Variants in DMD observed in about 807,000 individuals in gnomAD.
The protein encoded by DMD is mutant dystrophin.
Under a neutral mutation model 330.1 loss-of-function variants are expected in DMD, and 63 were observed. That is an observed-to-expected ratio of 0.19 (90% CI 0.16 to 0.24). DMD has a LOEUF of 0.24. Ranked by LOEUF, DMD falls within the 10% of genes least tolerant of loss-of-function variation. The probability of loss-of-function intolerance (pLI) is 1.00; values close to 1 mark genes in which losing one functional copy is unlikely to be tolerated. For synonymous variants in DMD, 1,223 were observed against 959.8 expected (o/e 1.27, Z -5.07); for missense variants, 3,344 against 2,684.1 (o/e 1.25, Z -5.43).
At chrX:32,785,216 C>A (rs939726365) in intron 7 of DMD, among the ~76,000 whole-genome samples, 1 of 104,541 alleles carries the variant, frequency 9.6e-6, no homozygotes, top group East Asian at 2.9e-4. Flanking sequence ...AAAAAAAAAA[C>A]CTTTTAGACT....
At chrX:32,248,555 T>C (rs753464517) in intron 43 of DMD, among the ~76,000 whole-genome samples, 5 of 109,155 alleles carry the variant, frequency 4.6e-5, no homozygotes, top group Non-Finnish European at 9.5e-5. Context: ...AAACCCACTT[T>C]ATATTCTGTT....
rs141292732 is a variant in DMD, at chrX:31,882,041, C to G, written c.6913-6668G>C. On this transcript the variant is annotated intron_variant, in intron 47 of 78. Coordinates refer to ENST00000357033, the MANE Select transcript of DMD (RefSeq NM_004006.3). ...GATATCTGCCCTCTCTTCAAATAAT[C>G]TATAAATTCAATGCAATCTCAATCA... Among the ~76,000 whole-genome samples the G allele has an allele frequency of 1.6e-3, 176 of 112,209 alleles. 1 individual carries two copies. The East Asian group carries it at 0.046, about 29-fold the overall frequency.
intron 44 of DMD, among the ~76,000 whole-genome samples, chrX:32,115,784 C>G (rs1478488822): frequency 9.0e-6 from 1 of 111,660 alleles, no homozygotes; most frequent in Non-Finnish European, 1.9e-5. Context: ...CAAATCCTGT[C>G]AGCTTTGTCT....
intron 44 of DMD, among the ~76,000 whole-genome samples, chrX:31,969,437 T>G (rs894676643): frequency 5.4e-5 from 6 of 111,563 alleles, no homozygotes; most frequent in Non-Finnish European, 1.1e-4. Flanking sequence ...GAACTTGAGG[T>G]ACCTACCGTA....
intron 29 of DMD, 54 bp downstream of exon 29, chrX:32,438,187 C>A: frequency 8.7e-7 from 1 of 1,150,080 alleles, no homozygotes; most frequent in Non-Finnish European, 1.2e-6. Context: ...AGGCCTGTAT[C>A]TGCTATACAT....
At chrX:33,053,688 G>A (rs1259558329) in intron 1 of DMD, among the ~76,000 whole-genome samples, 2 of 111,884 alleles carry the variant, frequency 1.8e-5, no homozygotes, top group African/African-American at 6.5e-5. Flanking sequence ...CTCCTGTAAC[G>A]TCAATTCTAG....
intron 44 of DMD, chrX:32,035,596 A>G (rs758653729): frequency 1.4e-3 from 420 of 297,986 alleles, no homozygotes; most frequent in Non-Finnish European, 2.1e-3. Context: ...AAAAACAGAA[A>G]GAAATACACC....
At chrX:32,644,667 G>C (rs1270205017) in intron 10 of DMD, among the ~76,000 whole-genome samples, 3 of 110,534 alleles carry the variant, frequency 2.7e-5, no homozygotes, top group Non-Finnish European at 5.7e-5. Context: ...CTCCCACTGA[G>C]AGAAGTTAAG....
At chrX:31,328,657 G>A (rs373450868) in intron 61 of DMD, among the ~76,000 whole-genome samples, 1 of 111,444 alleles carries the variant, frequency 9.0e-6, no homozygotes, top group South Asian at 3.8e-4. Context: ...TCTTTTTCCT[G>A]CCTAAGCCTT....
chrX:32,781,824 A>AG (rs2074793216), intron 7 of DMD, among the ~76,000 whole-genome samples: 1 of 111,447 alleles, frequency 9.0e-6, no homozygotes, highest in South Asian at 3.7e-4. Context: ...TGCTCACTAA[A>AG]GATTTTAAGA....
intron 67 of DMD, among the ~76,000 whole-genome samples, chrX:31,185,473 C>T (rs1031260345): frequency 2.7e-5 from 3 of 111,804 alleles, no homozygotes; most frequent in Admixed American, 9.5e-5. Context: ...TTTCTCTTGC[C>T]GGTCTGCTGT....
intron 7 of DMD, among the ~76,000 whole-genome samples, chrX:32,785,125 T>C (rs779490922): frequency 1.8e-5 from 2 of 109,774 alleles, no homozygotes; most frequent in South Asian, 7.8e-4. Context: ...TTATTAATGA[T>C]GTGGTCAAAT....
intron 20 of DMD, among the ~76,000 whole-genome samples, chrX:32,487,378 G>A (rs1294944398): frequency 4.5e-5 from 5 of 111,229 alleles, no homozygotes; most frequent in Admixed American, 3.9e-4. Context: ...TTGAGGGTTA[G>A]TTACTATTTA....
intron 1 of DMD, among the ~76,000 whole-genome samples, chrX:33,032,869 G>A (rs1345560206): frequency 1.8e-5 from 2 of 112,288 alleles, no homozygotes; most frequent in Non-Finnish European, 3.8e-5. Context: ...TTCACTCCCT[G>A]TTCACCAAAT....
rs947770989 is a variant in DMD, at chrX:31,821,698, C to A, written c.7201-1615G>T. ...CAGCAATACCTTACCAGTATAGTAG[C>A]ACTAGTCACAAAAGCTTTACCAGTG... On this transcript the variant is annotated intron_variant, in intron 49 of 78. Coordinates refer to ENST00000357033, the MANE Select transcript of DMD (RefSeq NM_004006.3). Among the ~76,000 whole-genome samples the A allele has an allele frequency of 1.1e-4, 12 of 112,318 alleles. 1 individual carries two copies. Among genetic ancestry groups the A allele is most frequent in the African/African-American group, 3.9e-4 (12 of 30,906 alleles).
At chrX:33,249,935 T>C (rs749978168) in intron 1 of DMD, among the ~76,000 whole-genome samples, 4 of 109,580 alleles carry the variant, frequency 3.7e-5, no homozygotes, top group Non-Finnish European at 7.6e-5. Flanking sequence ...ATTAAATTTA[T>C]TGGATTTAAT....
At chrX:31,809,608 T>C (rs1264475037) in intron 50 of DMD, among the ~76,000 whole-genome samples, 2 of 111,071 alleles carry the variant, frequency 1.8e-5, no homozygotes, top group East Asian at 5.6e-4. Context: ...CATATTTTCA[T>C]AAAAATACTG....
chrX:32,674,632 G>C (rs949506517), intron 9 of DMD, among the ~76,000 whole-genome samples: 7 of 111,082 alleles, frequency 6.3e-5, no homozygotes, highest in Non-Finnish European at 1.1e-4. Flanking sequence ...TTCAGGCCAG[G>C]CATATGATCT....
chrX:31,669,569 T>A (rs138796614), intron 53 of DMD, among the ~76,000 whole-genome samples: 112 of 112,056 alleles, frequency 1.0e-3, no homozygotes, highest in Non-Finnish European at 1.9e-3. Context: ...TGTGAAAGAC[T>A]ATTCTTTTTC....
Sources: gnomAD v4.1 joint callset for allele counts (sites outside exome capture counted in the v4.1 genomes callset) on GRCh38, gnomAD v4.1.1 for gene constraint, MANE v1.5 for transcripts, NCBI Gene and HGNC (gene_info 2026-07-23, HGNC 2026-07-21) for gene names.